C16orf89: variants seen among roughly 807,000 people sequenced by gnomAD.
C16orf89 encodes the protein chromosome 16 open reading frame 89.
Under a neutral mutation model 41.5 loss-of-function variants are expected in C16orf89, and 57 were observed. The ratio of observed to expected loss-of-function variants is 1.38; its 90% confidence interval spans 1.11 to 1.71. The LOEUF is 1.71. C16orf89 is among the 40% of genes most tolerant of loss of function. The probability of loss-of-function intolerance (pLI) is 0.00; values close to 1 mark genes in which losing one functional copy is unlikely to be tolerated. For missense variants in C16orf89, 575 were observed against 445.9 expected, an observed-to-expected ratio of 1.29 and a Z score of -2.61; for synonymous variants, 223 against 190.6, an observed-to-expected ratio of 1.17 and a Z score of -1.40.
In C16orf89 at chr16:5,044,244, A is replaced by G. The variant is rs970091453; in HGVS notation, c.*104T>C. 6.0e-5 allele frequency: 88 copies of G among 1,458,186 alleles called. No homozygotes were observed. In the African/African-American group the frequency reaches 9.2e-4, roughly 15 times the overall value. 90.3% of individuals were successfully genotyped at this position (1,458,186 alleles called of 1,614,324 possible). Reference sequence around the variant, plus strand: ...GTCGGGGTGGCTTTGCTTATCCTCCAGATGCCTTCTTCCCAGGATGTGATC... The same window carrying G: ...GTCGGGGTGGCTTTGCTTATCCTCCGGATGCCTTCTTCCCAGGATGTGATC... On this transcript the variant is annotated 3_prime_UTR_variant, in exon 8 of 8. Transcript: ENST00000472572.
chr16:5,061,186 C>T (rs188764595), intron 2 of C16orf89, among the ~76,000 whole-genome samples: 154 of 140,246 alleles, frequency 1.1e-3, no homozygotes, highest in African/African-American at 3.4e-3. Context: ...AGCATGAACC[C>T]GGGAGACAGA....
intron 1 of C16orf89, among the ~76,000 whole-genome samples, chr16:5,064,469 C>A (rs890542614): frequency 6.6e-6 from 1 of 152,204 alleles, no homozygotes; most frequent in African/African-American, 2.4e-5. Context: ...TGTGCATGAT[C>A]GTGTGATACT....
intron 4 of C16orf89, among the ~76,000 whole-genome samples, chr16:5,056,480 C>T (rs990303457): frequency 3.9e-5 from 6 of 152,162 alleles, no homozygotes; most frequent in East Asian, 1.9e-4. Flanking sequence ...CCTCTAGAAA[C>T]GGCACCAGAG....
intron 6 of C16orf89, among the ~76,000 whole-genome samples, chr16:5,052,920 G>C (rs1956424248): frequency 6.6e-6 from 1 of 152,164 alleles, no homozygotes; most frequent in Non-Finnish European, 1.5e-5. Context: ...GTGGTACACA[G>C]ACCCAATGAA....
intron 2 of C16orf89, among the ~76,000 whole-genome samples, chr16:5,061,501 A>AAAAAAG (rs67476932): frequency 0.02 from 1,766 of 88,876 alleles, 184 homozygotes; most frequent in East Asian, 0.13. Flanking sequence ...AAAAAAAAAA[A>AAAAAAG]AAACCCCCCC....
intron 4 of C16orf89, among the ~76,000 whole-genome samples, chr16:5,058,129 C>A (rs1008846885): frequency 1.3e-5 from 2 of 152,016 alleles, no homozygotes; most frequent in South Asian, 2.1e-4. Context: ...TCATTTATTT[C>A]TTTTTTCTTT....
rs1956257755 is a variant in C16orf89 at position 5,044,484 on chromosome 16, G to A, written c.956-6C>T. The A allele has an allele frequency of 2.5e-6, 4 of 1,612,190 alleles. No homozygotes were observed. In the East Asian group the frequency reaches 8.9e-5, roughly 36 times the overall value. On this transcript the variant is annotated splice_polypyrimidine_tract_variant and splice_region_variant and intron_variant, in intron 7 of 7. Transcript: ENST00000472572. ...GTTGTGGGAGGAGCAGCCATCTAGGGGAGAGAGCCCCCATGAGTGCTGGGT... is the reference window on the plus strand; with the variant it reads ...GTTGTGGGAGGAGCAGCCATCTAGGAGAGAGAGCCCCCATGAGTGCTGGGT...
rs1416538263 is a variant in C16orf89 at position 5,057,524 on chromosome 16, T to A, written c.627+969A>T. On this transcript the variant is annotated intron_variant, in intron 4 of 7. Transcript: ENST00000472572. ...CCATATATATATTTTTCTTTTTCTA[T>A]TTTTTTATATGTATATATATAGAGA... Among the ~76,000 whole-genome samples the A allele has an allele frequency of 2.0e-5, 3 of 150,572 alleles. No homozygotes were observed. In the East Asian group the frequency reaches 5.9e-4, roughly 30 times the overall value.
chr16:5,050,647 A>G (rs191284457), intron 6 of C16orf89, among the ~76,000 whole-genome samples: 38 of 152,314 alleles, frequency 2.5e-4, no homozygotes, highest in Non-Finnish European at 4.7e-4. Context: ...CAAGTTCAGC[A>G]TTACCCCAAT....
rs1956255100 is a variant in C16orf89 at position 5,044,385 on chromosome 16, G to A, written c.1049C>T (p.Pro350Leu). ...TGGTGGTGGCGGTGTGGATGGGTGTGGCTCTCTGTTTGCTGGGGGGTATTC... is the reference window on the plus strand; with the variant it reads ...TGGTGGTGGCGGTGTGGATGGGTGTAGCTCTCTGTTTGCTGGGGGGTATTC... ...LAEYPPANRE[P>L]HPSTPPPPSS... Residue 350 changes from proline (P) to leucine (L), a missense_variant, in exon 8 of 8, where the codon CCA becomes CTA. Pro to Leu is a moderately conservative substitution (Grantham distance 98). Transcript: ENST00000472572. 6.2e-7 allele frequency: 1 copy of A among 1,612,070 alleles called. No homozygotes were observed. The highest frequency in any genetic ancestry group is 8.5e-7 in the Non-Finnish European group (1 of 1,179,460).
intron 7 of C16orf89, 175 bp from the exon 8 acceptor site, chr16:5,044,653 G>A (rs1217913490): frequency 7.9e-7 from 1 of 1,267,696 alleles, no homozygotes; most frequent in South Asian, 1.3e-5. Context: ...ACCAGCATGA[G>A]CAACATGATG....
chr16:5,049,155 G>A (rs1326119618), intron 6 of C16orf89, among the ~76,000 whole-genome samples: 2 of 152,132 alleles, frequency 1.3e-5, no homozygotes, highest in Admixed American at 6.6e-5. Context: ...TTAGCAAGAG[G>A]ACATAACAAT....
intron 6 of C16orf89, among the ~76,000 whole-genome samples, chr16:5,053,262 C>A (rs180997857): frequency 1.6e-4 from 25 of 151,972 alleles, no homozygotes; most frequent in Non-Finnish European, 2.9e-4. Flanking sequence ...CCCAGCTACT[C>A]GGGAGGCTGA....
chr16:5,060,482 A>C (rs747594818), intron 2 of C16orf89, 46 bp from the exon 3 acceptor site: 1 of 1,567,572 alleles, frequency 6.4e-7, no homozygotes, highest in South Asian at 1.2e-5. Flanking sequence ...GGGGTGACCC[A>C]GGAGCAGTGG....
intron 1 of C16orf89, among the ~76,000 whole-genome samples, chr16:5,062,935 T>C (rs936096159): frequency 2.6e-5 from 4 of 152,136 alleles, no homozygotes; most frequent in African/African-American, 4.8e-5. Flanking sequence ...CTGTGTACAG[T>C]TGAGCAGGTT....
At chr16:5,055,457 C>G (rs1356951934) in intron 5 of C16orf89, 107 bp from the exon 6 acceptor site, 1 of 1,140,090 alleles carries the variant, frequency 8.8e-7, no homozygotes, top group African/African-American at 1.6e-5. Context: ...CTGGGTTAGG[C>G]TTAGGAGGTG....
chr16:5,044,176 C>G lies in C16orf89; in HGVS notation c.*172G>C. ...TCACACCTGGGTCCCTCCCGGCCCC[C>G]ACCTACCCTGGCCTTGCCTACTCAG... On this transcript the variant is annotated 3_prime_UTR_variant, in exon 8 of 8. Coordinates refer to ENST00000472572, the MANE Select transcript of C16orf89 (RefSeq NM_001098514.3). 1 of 1,374,886 alleles carries G rather than the reference C, an allele frequency of 7.3e-7. No individual in the cohort carries two copies. Among genetic ancestry groups the G allele is most frequent in the Non-Finnish European group, 9.4e-7 (1 of 1,069,000 alleles). The allele number at this position is 1,374,886 out of a possible 1,614,324, so 85.2% of individuals were successfully genotyped here. A position where few individuals can be genotyped will look rare whatever the true frequency, so the allele number is the denominator to read the frequency against.
intron 7 of C16orf89, among the ~76,000 whole-genome samples, chr16:5,046,901 G>C (rs1452802246): frequency 2.0e-5 from 3 of 152,096 alleles, no homozygotes; most frequent in African/African-American, 7.2e-5. Flanking sequence ...ATTCATAATG[G>C]CTCCAAGACA....
chr16:5,059,223 C>T (rs574856815), intron 3 of C16orf89, among the ~76,000 whole-genome samples: 227 of 151,840 alleles, frequency 1.5e-3, no homozygotes, highest in African/African-American at 5.1e-3. Context: ...TGCACTCCAG[C>T]CTGGGAGACA....
Sources: allele counts gnomAD v4.1 joint callset (sites outside exome capture counted in the v4.1 genomes callset), GRCh38; gene constraint gnomAD v4.1.1; transcripts MANE v1.5; gene names NCBI Gene and HGNC (gene_info 2026-07-23, HGNC 2026-07-21).